The following PTPRK variants were observed in gnomAD, a reference collection of about 807,000 sequenced individuals.
PTPRK encodes receptor-type tyrosine-protein phosphatase kappa.
In PTPRK, 75 loss-of-function variants were observed where a neutral mutation model predicts 178.0. The observed-to-expected ratio is 0.42, with a 90% CI of 0.35 to 0.51. The LOEUF (loss-of-function observed/expected upper bound fraction) is 0.51. Among genes scored for constraint, PTPRK ranks in the 20% least tolerant of loss-of-function variants. The probability of loss-of-function intolerance (pLI) is 0.02; values close to 1 mark genes in which losing one functional copy is unlikely to be tolerated. For synonymous variants in PTPRK, 637 were observed against 620.6 expected (o/e 1.03, Z -0.39); for missense variants, 1,441 against 1,797.8 (o/e 0.80, Z 3.59).
At chr6:128,082,359 T>G (rs560452604) in intron 10 of PTPRK, 78 bp downstream of exon 10, 4 of 1,331,408 alleles carry the variant, frequency 3.0e-6, no homozygotes, top group Non-Finnish European at 4.3e-6. Context: ...ACACTTGGTT[T>G]ATATGTGATT....
At chr6:128,492,824 A>C (rs1223605940) in intron 1 of PTPRK, among the ~76,000 whole-genome samples, 1 of 152,168 alleles carries the variant, frequency 6.6e-6, no homozygotes, top group East Asian at 1.9e-4. Context: ...GCCTTCCAAA[A>C]ACCCCTTGCT....
chr6:128,229,717 G>T (rs1017491363), intron 5 of PTPRK, among the ~76,000 whole-genome samples: 3 of 152,080 alleles, frequency 2.0e-5, no homozygotes, highest in Middle Eastern at 3.4e-3. Context: ...AGATTTAATA[G>T]AAATAATAAT....
chr6:128,307,431 A>C (rs1460970677), intron 3 of PTPRK, among the ~76,000 whole-genome samples: 1 of 150,588 alleles, frequency 6.6e-6, no homozygotes, highest in Non-Finnish European at 1.5e-5. Flanking sequence ...AGAGCTTCTT[A>C]ACAAAGTCAT....
intron 3 of PTPRK, among the ~76,000 whole-genome samples, chr6:128,278,574 G>A (rs914832672): frequency 1.3e-5 from 2 of 152,094 alleles, no homozygotes; most frequent in Non-Finnish European, 2.9e-5. Flanking sequence ...TTTATGACTA[G>A]TCTAACCTCT....
chr6:128,391,857 T>C (rs1488070555), intron 2 of PTPRK, among the ~76,000 whole-genome samples: 1 of 152,044 alleles, frequency 6.6e-6, no homozygotes, highest in African/African-American at 2.4e-5. Flanking sequence ...GAGACTCATA[T>C]CATTACTTAG....
intron 11 of PTPRK, among the ~76,000 whole-genome samples, chr6:128,078,524 C>T (rs550818845): frequency 5.7e-4 from 87 of 151,928 alleles, no homozygotes; most frequent in Non-Finnish European, 1.0e-3. Context: ...CCATCAAACT[C>T]GTCCAAAAAT....
intron 3 of PTPRK, among the ~76,000 whole-genome samples, chr6:128,311,847 T>C (rs1366211855): frequency 6.6e-6 from 1 of 152,162 alleles, no homozygotes; most frequent in Non-Finnish European, 1.5e-5. Context: ...TTCTCCACAG[T>C]ACTAATATTT....
At chr6:128,385,881 A>C (rs73589550) in intron 2 of PTPRK, among the ~76,000 whole-genome samples, 2,257 of 152,330 alleles carry the variant, frequency 0.015, 53 homozygotes, top group African/African-American at 0.051. Context: ...CAGGTTACTA[A>C]GCCAGAGTTT....
chr6:128,150,666 T>A (rs986497437), intron 7 of PTPRK, among the ~76,000 whole-genome samples: 2 of 152,086 alleles, frequency 1.3e-5, no homozygotes, highest in Non-Finnish European at 2.9e-5. Flanking sequence ...CATCTGTTTA[T>A]CCCTTTCCTC....
At chr6:128,309,974 A>G (rs1286516946) in intron 3 of PTPRK, among the ~76,000 whole-genome samples, 1 of 152,180 alleles carries the variant, frequency 6.6e-6, no homozygotes, top group Admixed American at 6.5e-5. Flanking sequence ...CCTACAAAAA[A>G]AATGCCATCC....
intron 1 of PTPRK, among the ~76,000 whole-genome samples, chr6:128,440,004 T>C (rs558955882): frequency 1.1e-4 from 17 of 152,188 alleles, no homozygotes; most frequent in Non-Finnish European, 1.9e-4. Context: ...ACTGCACAGG[T>C]CCAAATATGT....
rs141671822 is a variant in PTPRK at position 128,483,964 on chromosome 6, G to T, written c.100+36295C>A. ...GGGCAGGATGTCCTAATAATTTCCAGGGTCAGTCATTTCCTTTCCCATGTA... is the reference window on the plus strand; with the variant it reads ...GGGCAGGATGTCCTAATAATTTCCATGGTCAGTCATTTCCTTTCCCATGTA... On this transcript the variant is annotated intron_variant, in intron 1 of 29. Coordinates refer to ENST00000368226, the MANE Select transcript of PTPRK (RefSeq NM_002844.4). Among the ~76,000 whole-genome samples the T allele has an allele frequency of 1.2e-3, 187 of 152,056 alleles. 2 individuals carry two copies. The highest frequency in any genetic ancestry group is 9.6e-3 in the Admixed American group (147 of 15,262).
At chr6:128,389,174 C>T (rs970537544) in intron 2 of PTPRK, among the ~76,000 whole-genome samples, 1 of 151,996 alleles carries the variant, frequency 6.6e-6, no homozygotes, top group African/African-American at 2.4e-5. Context: ...CAATAATTTC[C>T]TCTTTGGTGA....
At chr6:128,110,815 T>C (rs1790528574) in intron 7 of PTPRK, among the ~76,000 whole-genome samples, 1 of 152,148 alleles carries the variant, frequency 6.6e-6, no homozygotes, top group Admixed American at 6.6e-5. Flanking sequence ...GTATGTTGAC[T>C]CTCAAGGGGA....
At chr6:128,035,133 G>A (rs991258887) in intron 13 of PTPRK, among the ~76,000 whole-genome samples, 21 of 152,258 alleles carry the variant, frequency 1.4e-4, no homozygotes, top group African/African-American at 2.9e-4. Context: ...TTGAGAGGCC[G>A]AGGCGGGCAG....
chr6:128,310,465 G>A (rs990513739), intron 3 of PTPRK, among the ~76,000 whole-genome samples: 3 of 152,032 alleles, frequency 2.0e-5, no homozygotes, highest in African/African-American at 4.8e-5. Context: ...AAAAAACTCC[G>A]AACAAGGAAG....
chr6:128,324,730 A>T (rs1829312814), intron 2 of PTPRK, among the ~76,000 whole-genome samples: 1 of 152,166 alleles, frequency 6.6e-6, no homozygotes, highest in African/African-American at 2.4e-5. Context: ...GGAAGAAAGC[A>T]CTAGCACCAA....
intron 19 of PTPRK, among the ~76,000 whole-genome samples, chr6:127,991,611 C>T (rs1160502290): frequency 1.2e-4 from 17 of 146,018 alleles, no homozygotes; most frequent in South Asian, 2.2e-4. Context: ...AATTTGCCCT[C>T]TACACTTCCC....
intron 3 of PTPRK, among the ~76,000 whole-genome samples, chr6:128,296,825 A>G (rs1399405624): frequency 1.3e-5 from 2 of 152,230 alleles, no homozygotes; most frequent in Admixed American, 1.3e-4. Flanking sequence ...ACTAACGAGC[A>G]AAATAACCAG....
Sources: allele counts gnomAD v4.1 joint callset (sites outside exome capture counted in the v4.1 genomes callset), GRCh38; gene constraint gnomAD v4.1.1; transcripts MANE v1.5; gene names NCBI Gene and HGNC (gene_info 2026-07-23, HGNC 2026-07-21).